PTBP3: variants seen among roughly 807,000 people sequenced by gnomAD.
PTBP3 encodes the protein polypyrimidine tract-binding protein 3.
PTBP3 carries 20 observed loss-of-function variants against 58.7 expected under a neutral mutation model. That is an observed-to-expected ratio of 0.34 (90% CI 0.24 to 0.50). PTBP3 has a LOEUF of 0.50. PTBP3 is among the 20% of genes least tolerant of loss of function. PTBP3 has a pLI of 0.98. For missense variants in PTBP3, 509 were observed against 637.2 expected (o/e 0.80, Z 2.17); for synonymous variants, 185 against 219.8 (o/e 0.84, Z 1.40).
At chr9:112,284,960 T>TG (rs1554798214) in intron 2 of PTBP3, among the ~76,000 whole-genome samples, 1 of 151,996 alleles carries the variant, frequency 6.6e-6, no homozygotes, top group Non-Finnish European at 1.5e-5. Context: ...ACTTTTGGGT[T>TG]ATGTTGGAAT....
At position 112,290,727 on chromosome 9, in the gene PTBP3, C is replaced by CACACACACAT. The variant is rs1366278536; in HGVS notation, c.34+7104_34+7105insATGTGTGTGT. Among the ~76,000 whole-genome samples, 5 of 147,774 alleles carry CACACACACAT rather than the reference C, an allele frequency of 3.4e-5. No individual in the cohort carries two copies. The East Asian group carries it at 9.9e-4, about 29-fold the overall frequency. On this transcript the variant is annotated intron_variant, in intron 2 of 13. Transcript: ENST00000374257. ...ATATATACACACACACACACACACACACACACACACAATCAAGTGTTGGCA... is the reference window on the plus strand; with the variant it reads ...ATATATACACACACACACACACACACACACACACATACACACACACAATCAAGTGTTGGCA...
chr9:112,362,058 G>A, the PTBP3 span, among the ~76,000 whole-genome samples: 1 of 152,188 alleles, frequency 6.6e-6, no homozygotes, highest in Admixed American at 6.6e-5. Context: ...TCTATTTGGG[G>A]ACAGGCATTG....
intron 5 of PTBP3, among the ~76,000 whole-genome samples, chr9:112,257,245 C>T (rs1254752015): frequency 1.3e-5 from 2 of 152,106 alleles, no homozygotes; most frequent in African/African-American, 2.4e-5. Context: ...CTACAAAAAA[C>T]GATATGATAC....
At chr9:112,347,390 G>T in the PTBP3 span, among the ~76,000 whole-genome samples, 1 of 149,110 alleles carries the variant, frequency 6.7e-6, no homozygotes, top group African/African-American at 2.5e-5. Context: ...ACCCAGGCTG[G>T]AGTGCAGTGG....
At chr9:112,255,310 A>G (rs1300516165) in intron 5 of PTBP3, among the ~76,000 whole-genome samples, 2 of 152,198 alleles carry the variant, frequency 1.3e-5, no homozygotes, top group African/African-American at 2.4e-5. Context: ...TTGAAAAACA[A>G]TGTGAATATA....
chr9:112,284,769 T>C lies in PTBP3; in HGVS notation c.35-8756A>G, dbSNP rs374018251. Among the ~76,000 whole-genome samples, 13 of 152,150 alleles carry C rather than the reference T, an allele frequency of 8.5e-5. 1 individual carries two copies. The East Asian group carries it at 9.6e-4, about 11-fold the overall frequency. On this transcript the variant is annotated intron_variant, in intron 2 of 13. Coordinates refer to ENST00000374257, the MANE Select transcript of PTBP3 (RefSeq NM_001163788.4). ...GATTTAATGACTGCCCCACTGGATTTTGAACCTGCTTAGGAGCCTATGGCC... is the reference window on the plus strand; with the variant it reads ...GATTTAATGACTGCCCCACTGGATTCTGAACCTGCTTAGGAGCCTATGGCC...
chr9:112,356,351 T>C, the PTBP3 span, among the ~76,000 whole-genome samples: 7 of 152,170 alleles, frequency 4.6e-5, no homozygotes, highest in Non-Finnish European at 1.0e-4. Flanking sequence ...AGCCGTAATT[T>C]GGTCATGTGG....
Position 112,314,774 on chromosome 9 carries a change from A to G in PTBP3, c.-51-16858T>C, listed in dbSNP as rs1157775920. On this transcript the variant is annotated intron_variant, in intron 1 of 13. Coordinates refer to ENST00000374257, the MANE Select transcript of PTBP3 (RefSeq NM_001163788.4). ...TCAATATTTCTCTTCTCTTTAACAG[A>G]ATAAAAAATCAGTAAAGATACAGAA... Among the ~76,000 whole-genome samples the G allele has an allele frequency of 2.6e-5, 4 of 152,218 alleles. No homozygotes were observed. In the East Asian group the frequency reaches 5.8e-4, roughly 22 times the overall value.
intron 2 of PTBP3, among the ~76,000 whole-genome samples, chr9:112,277,054 A>T (rs181911329): frequency 1.3e-5 from 2 of 152,194 alleles, no homozygotes; most frequent in Non-Finnish European, 1.5e-5. Context: ...CTGTAACCCT[A>T]AACAAATTTC....
intron 1 of PTBP3, chr9:112,330,413 A>C: frequency 6.9e-7 from 1 of 1,445,314 alleles, no homozygotes. Context: ...ATAAAAATGC[A>C]TATGAAAGGA....
the PTBP3 span, among the ~76,000 whole-genome samples, chr9:112,345,680 C>CA: frequency 6.7e-6 from 1 of 149,868 alleles, no homozygotes; most frequent in Non-Finnish European, 1.5e-5. Context: ...AACACCTGGC[C>CA]AAAAAAAAGT....
the PTBP3 span, among the ~76,000 whole-genome samples, chr9:112,367,556 G>C: frequency 4.5e-4 from 68 of 152,224 alleles, no homozygotes; most frequent in Admixed American, 3.1e-3. Context: ...AGTATTCTTA[G>C]TCAGGTATAG....
At chr9:112,350,242 G>T in the PTBP3 span, among the ~76,000 whole-genome samples, 2 of 152,082 alleles carry the variant, frequency 1.3e-5, no homozygotes, top group African/African-American at 2.4e-5. Context: ...GAATGGGGGT[G>T]AGGGATAAAA....
intron 1 of PTBP3, among the ~76,000 whole-genome samples, chr9:112,310,789 A>G (rs1221315340): frequency 6.6e-6 from 1 of 152,244 alleles, no homozygotes; most frequent in Non-Finnish European, 1.5e-5. Context: ...AGAAAAAGGC[A>G]TTTAACCAAA....
the PTBP3 span, among the ~76,000 whole-genome samples, chr9:112,371,289 C>G: frequency 6.6e-6 from 1 of 152,194 alleles, no homozygotes; most frequent in African/African-American, 2.4e-5. Flanking sequence ...CAACTACTTA[C>G]TGTCCAGATT....
chr9:112,346,907 A>G, the PTBP3 span, among the ~76,000 whole-genome samples: 1 of 152,078 alleles, frequency 6.6e-6, no homozygotes, highest in Non-Finnish European at 1.5e-5. Flanking sequence ...TATTTTTAGT[A>G]GAGATGGAGT....
At chr9:112,252,872 C>G (rs1219025648) in intron 5 of PTBP3, 84 bp from the exon 6 acceptor site, 16 of 827,030 alleles carry the variant, frequency 1.9e-5, no homozygotes, top group African/African-American at 5.2e-5. Context: ...GTTCATAAAT[C>G]CTTTTAAATG....
intron 5 of PTBP3, among the ~76,000 whole-genome samples, chr9:112,255,531 T>C (rs1285894462): frequency 2.6e-5 from 4 of 152,154 alleles, no homozygotes; most frequent in Admixed American, 6.5e-5. Context: ...TGACCTCCCT[T>C]CTTCATTACT....
At chr9:112,347,627 G>A in the PTBP3 span, among the ~76,000 whole-genome samples, 3 of 152,198 alleles carry the variant, frequency 2.0e-5, no homozygotes, top group Non-Finnish European at 4.4e-5. Context: ...ACAGGTGTGA[G>A]CTACTGTACC....
Sources: allele counts gnomAD v4.1 joint callset (sites outside exome capture counted in the v4.1 genomes callset), GRCh38; gene constraint gnomAD v4.1.1; transcripts MANE v1.5; gene names NCBI Gene and HGNC (gene_info 2026-07-23, HGNC 2026-07-21).